The following DNAH7 variants were observed in gnomAD, a reference collection of about 807,000 sequenced individuals.
The protein encoded by DNAH7 is axonemal beta dynein heavy chain 7.
Under a neutral mutation model 444.6 loss-of-function variants are expected in DNAH7, and 397 were observed. The ratio of observed to expected loss-of-function variants is 0.89; its 90% CI spans 0.82 to 0.97. The LOEUF (loss-of-function observed/expected upper bound fraction) is 0.97. Ranked by LOEUF, DNAH7 falls within the 50% of genes least tolerant of loss-of-function variation. The pLI is 0.00. For missense variants in DNAH7, 4,902 were observed against 4,800.8 expected (o/e 1.02, Z -0.62); for synonymous variants, 1,636 against 1,624.4 (o/e 1.01, Z -0.17).
In DNAH7 at chr2:195,994,081, AT is replaced by A. The variant is rs1173409529; in HGVS notation, c.1354-5853del. On this transcript the variant is annotated intron_variant, in intron 12 of 64. Transcript: ENST00000312428. ...AACTGTGCATTTAGACAAGTTGTTTATTTTTTTAAATTCATTAAAATGTCAG... is the reference window on the plus strand; with the variant it reads ...AACTGTGCATTTAGACAAGTTGTTTATTTTTTAAATTCATTAAAATGTCAG... 2.0e-5 allele frequency among the ~76,000 whole-genome samples: 3 copies of A among 152,238 alleles called. No homozygotes were observed. In the East Asian group the frequency reaches 5.8e-4, roughly 29 times the overall value.
At chr2:195,837,087 G>A (rs536883097) in intron 47 of DNAH7, among the ~76,000 whole-genome samples, 3 of 152,126 alleles carry the variant, frequency 2.0e-5, no homozygotes, top group Middle Eastern at 3.4e-3. Flanking sequence ...TTCCTTAGCC[G>A]CATCATCCAA....
At chr2:195,759,667 A>G (rs1319661062) in intron 61 of DNAH7, among the ~76,000 whole-genome samples, 2 of 152,068 alleles carry the variant, frequency 1.3e-5, no homozygotes, top group Non-Finnish European at 2.9e-5. Context: ...CCTGGGCAAC[A>G]TGGTGAAACC....
intron 19 of DNAH7, among the ~76,000 whole-genome samples, chr2:195,955,296 T>G (rs559938431): frequency 1.6e-4 from 24 of 152,290 alleles, no homozygotes; most frequent in African/African-American, 5.5e-4. Flanking sequence ...TTTCCCCATT[T>G]CTTGTTTTTG....
intron 5 of DNAH7, among the ~76,000 whole-genome samples, chr2:196,035,237 T>C (rs1575071842): frequency 1.3e-5 from 2 of 152,026 alleles, no homozygotes; most frequent in African/African-American, 2.4e-5. Context: ...CTTTGAGAAT[T>C]TGTATTAGGA....
At chr2:195,833,544 T>C (rs1236411018) in intron 48 of DNAH7, among the ~76,000 whole-genome samples, 1 of 152,164 alleles carries the variant, frequency 6.6e-6, no homozygotes, top group African/African-American at 2.4e-5. Flanking sequence ...GCCATGTAAA[T>C]AGTCAAAATT....
intron 7 of DNAH7, among the ~76,000 whole-genome samples, chr2:196,025,750 G>C (rs1256178356): frequency 1.3e-5 from 2 of 152,112 alleles, no homozygotes; most frequent in Non-Finnish European, 2.9e-5. Context: ...TATGAACTCT[G>C]AGGGCAGGGA....
At chr2:195,775,683 T>C (rs1279177801) in intron 60 of DNAH7, among the ~76,000 whole-genome samples, 163 bp downstream of exon 60, 1 of 150,840 alleles carries the variant, frequency 6.6e-6, no homozygotes, top group Non-Finnish European at 1.5e-5. Flanking sequence ...AGGTACTTAG[T>C]GTTCAAATCC....
At chr2:195,997,520 T>C (rs1340766915) in intron 12 of DNAH7, among the ~76,000 whole-genome samples, 1 of 152,154 alleles carries the variant, frequency 6.6e-6, no homozygotes, top group African/African-American at 2.4e-5. Context: ...GTCATTCATT[T>C]TGATATGAAT....
At chr2:195,918,804 T>C (rs1254850111) in intron 24 of DNAH7, among the ~76,000 whole-genome samples, 3 of 152,222 alleles carry the variant, frequency 2.0e-5, no homozygotes, top group African/African-American at 7.2e-5. Context: ...AAAATTATTC[T>C]TTAGTAGTGG....
chr2:195,739,969 A>G (rs988378874), intron 64 of DNAH7, among the ~76,000 whole-genome samples: 9 of 151,976 alleles, frequency 5.9e-5, no homozygotes, highest in African/African-American at 1.9e-4. Flanking sequence ...CATGTGTAAC[A>G]CAGTGCTGTT....
chr2:195,795,887 T>C (rs952444365), intron 56 of DNAH7: 3 of 152,254 alleles, frequency 2.0e-5, no homozygotes, highest in Admixed American at 6.5e-5. Context: ...GATGGGTGGA[T>C]GGTGCAAGTT....
At chr2:196,037,897 C>T (rs1696494073) in intron 5 of DNAH7, among the ~76,000 whole-genome samples, 1 of 151,738 alleles carries the variant, frequency 6.6e-6, no homozygotes, top group African/African-American at 2.4e-5. Context: ...AGAAAGATCC[C>T]CAAATAGATT....
chr2:195,866,797 C>T (rs977771926), intron 40 of DNAH7, among the ~76,000 whole-genome samples: 5 of 152,044 alleles, frequency 3.3e-5, no homozygotes, highest in Non-Finnish European at 5.9e-5. Context: ...GGCTGTGTTC[C>T]CACCTAAATC....
At chr2:195,763,711 G>A (rs1375241969) in intron 61 of DNAH7, among the ~76,000 whole-genome samples, 2 of 151,910 alleles carry the variant, frequency 1.3e-5, no homozygotes, top group African/African-American at 2.4e-5. Context: ...CCAATATCAA[G>A]TAATAAGATC....
chr2:195,875,632 G>C, intron 38 of DNAH7, 43 bp downstream of exon 38: 1 of 1,518,102 alleles, frequency 6.6e-7, no homozygotes. Flanking sequence ...CTATTGCTAG[G>C]GAGATTTTTC....
chr2:195,998,848 T>G (rs1345874746), intron 12 of DNAH7: 11 of 387,586 alleles, frequency 2.8e-5, no homozygotes, highest in Non-Finnish European at 5.1e-5. Flanking sequence ...GCCAGGATAA[T>G]AAAGCTGACT....
Position 196,013,002 on chromosome 2 carries a change from G to A in DNAH7, c.870-96C>T, listed in dbSNP as rs999332378. ...CCTTCTTAAAAATATCATATTCCTA[G>A]GTTTAATCATTAAAAATTGTGTTCT... On this transcript the variant is annotated intron_variant, in intron 9 of 64. Transcript: ENST00000312428. 7.1e-6 allele frequency: 6 copies of A among 844,182 alleles called. No individual in the cohort carries two copies. In the Admixed American group the frequency reaches 1.1e-4, roughly 16 times the overall value. The allele number at this position is 844,182 out of a possible 1,614,324, so 52.3% of individuals were successfully genotyped here.
At chr2:196,064,316 AAAATAAAT>A (rs201123021) in intron 1 of DNAH7, among the ~76,000 whole-genome samples, 8 of 50,182 alleles carry the variant, frequency 1.6e-4, no homozygotes, top group East Asian at 6.2e-4. Flanking sequence ...ACTCCGTCTC[AAAATAAAT>A]AAATAAATAA....
intron 1 of DNAH7, 153 bp downstream of exon 1, chr2:196,068,544 C>G: frequency 9.9e-7 from 1 of 1,007,682 alleles, no homozygotes; most frequent in Non-Finnish European, 1.4e-6. Flanking sequence ...ACGGAAAGCG[C>G]TCAGTAACCC....
Sources: gnomAD v4.1 joint callset for allele counts (sites outside exome capture counted in the v4.1 genomes callset) on GRCh38, gnomAD v4.1.1 for gene constraint, MANE v1.5 for transcripts, NCBI Gene and HGNC (gene_info 2026-07-23, HGNC 2026-07-21) for gene names.